CARMIL3: variants seen among roughly 807,000 people sequenced by gnomAD.
CARMIL3 encodes capping protein, Arp2/3 and myosin-I linker protein 3.
CARMIL3 carries 88 observed loss-of-function variants against 180.8 expected under a neutral mutation model. The observed-to-expected ratio is 0.49, with a 90% CI of 0.41 to 0.58. The LOEUF (loss-of-function observed/expected upper bound fraction) is 0.58, where lower values mean the gene tolerates loss of function less well. CARMIL3 is among the 20% of genes least tolerant of loss of function. The pLI is 0.00. For synonymous variants in CARMIL3, 696 were observed against 714.5 expected (o/e 0.97, Z 0.41); for missense variants, 1,548 against 1,787.0 (o/e 0.87, Z 2.41).
intron 31 of CARMIL3, 94 bp from the exon 32 acceptor site, chr14:24,064,152 A>AGTGG: frequency 1.2e-6 from 1 of 815,720 alleles, no homozygotes; most frequent in Non-Finnish European, 2.0e-6. Context: ...ACATTTCCAT[A>AGTGG]AATGTCCAAG....
intron 36 of CARMIL3, among the ~76,000 whole-genome samples, chr14:24,067,545 A>T (rs1053395846): frequency 1.3e-5 from 2 of 152,222 alleles, no homozygotes; most frequent in Admixed American, 1.3e-4. Flanking sequence ...CCCATTCTGC[A>T]TCTGCCCCTC....
At chr14:24,063,861 T>C (rs937525265) in intron 31 of CARMIL3, among the ~76,000 whole-genome samples, 4 of 152,040 alleles carry the variant, frequency 2.6e-5, no homozygotes, top group Non-Finnish European at 4.4e-5. Flanking sequence ...TTTGGGAGGC[T>C]GAGGCGGGCA....
chr14:24,061,482 T>G lies in CARMIL3; in HGVS notation c.2305-15T>G. 6.2e-7 allele frequency: 1 copy of G among 1,607,568 alleles called. No individual in the cohort carries two copies. Among genetic ancestry groups the G allele is most frequent in the Non-Finnish European group, 8.5e-7 (1 of 1,176,370 alleles). On this transcript the variant is annotated splice_polypyrimidine_tract_variant and intron_variant, in intron 26 of 39. Transcript: ENST00000342740. The surrounding 1 kb of genome is among the most constrained non-coding windows in gnomAD (Gnocchi z 4.1). ...GTCCCCCTTGGGCCTCTGGCCTCCC[T>G]TTCCCCCATACTAGGTGATCCTGGA...
chr14:24,059,867 A>C lies in CARMIL3; in HGVS notation c.1869-103A>C, dbSNP rs2035714066. 6.5e-7 allele frequency: 1 copy of C among 1,533,372 alleles called. No individual in the cohort carries two copies. Among genetic ancestry groups the C allele is most frequent in the Non-Finnish European group, 9.0e-7 (1 of 1,109,290 alleles). 95.0% of individuals were successfully genotyped at this position (1,533,372 alleles called of 1,614,324 possible). On this transcript the variant is annotated intron_variant, in intron 22 of 39. Coordinates refer to ENST00000342740, the MANE Select transcript of CARMIL3 (RefSeq NM_138360.4). The surrounding 1 kb of genome is among the most constrained non-coding windows in gnomAD (Gnocchi z 6.3). The stretch of plus-strand genomic sequence containing the variant: ...AATTTTAGGAAGGGCCATGGAAGAC[A>C]GAAATGATGAGCAAGGGGGCTGGAG...
Position 24,061,170 on chromosome 14 carries a change from C to T in CARMIL3, c.2304+130C>T, listed in dbSNP as rs113948409. 3,119 of 756,794 alleles carry T rather than the reference C, an allele frequency of 4.1e-3. 65 individuals carry two copies. In the African/African-American group the frequency reaches 0.048, roughly 12 times the overall value. 46.9% of individuals were successfully genotyped at this position (756,794 alleles called of 1,614,324 possible). ...GGACATGCAGAGTTGAGACCACCCA[C>T]GCTCCCACTGTACCAAGGCATTGCT... is the stretch of plus-strand genomic sequence containing the variant. On this transcript the variant is annotated intron_variant, in intron 26 of 39. Coordinates refer to ENST00000342740, the MANE Select transcript of CARMIL3 (RefSeq NM_138360.4). This position sits in a 1 kb window ranked among gnomAD's most constrained non-coding sequence, Gnocchi z 4.1.
chr14:24,061,043 A>G lies in CARMIL3; in HGVS notation c.2304+3A>G, dbSNP rs892357109. The G allele has an allele frequency of 6.4e-7, 1 of 1,551,332 alleles. No homozygotes were observed. The highest frequency in any genetic ancestry group is 1.4e-5 in the African/African-American group (1 of 73,168). Reference sequence around the variant, plus strand: ...AAGCTGTGGACAAGGAGCTGCAGGCAAGTCCTGGAGGAGGGAGGAATCCAT... The same window carrying G: ...AAGCTGTGGACAAGGAGCTGCAGGCGAGTCCTGGAGGAGGGAGGAATCCAT... On this transcript the variant is annotated splice_donor_region_variant and intron_variant, in intron 26 of 39. Coordinates refer to ENST00000342740, the MANE Select transcript of CARMIL3 (RefSeq NM_138360.4). This position sits in a 1 kb window ranked among gnomAD's most constrained non-coding sequence, Gnocchi z 4.1.
chr14:24,065,072 G>T lies in CARMIL3; in HGVS notation c.3195G>T (p.Lys1065Asn). ...ACTTTCGCCGGCCCCGGAGCTTCAA[G>T]GGGGACAGGGGGCCGGGGTCCCCTA... ...LFHFRRPRSFKGDRGPGSPTT... is the reference protein window; with the variant it reads ...LFHFRRPRSFNGDRGPGSPTT... Residue 1065 changes from lysine (K) to asparagine (N), a missense_variant, in exon 33 of 40, where the codon AAG becomes AAT. Transcript: ENST00000342740. 1.3e-6 allele frequency: 2 copies of T among 1,593,532 alleles called. No homozygotes were observed. Among genetic ancestry groups the T allele is most frequent in the Non-Finnish European group, 1.7e-6 (2 of 1,172,318 alleles).
Position 24,061,315 on chromosome 14 carries a change from G to A in CARMIL3, c.2305-182G>A. ...CCCTGTCTGTATGGTAGGGTGGAAG[G>A]AGCACTGACCAGAAAGTGGGGAAGC... On this transcript the variant is annotated intron_variant, in intron 26 of 39. Coordinates refer to ENST00000342740, the MANE Select transcript of CARMIL3 (RefSeq NM_138360.4). The surrounding 1 kb of genome is among the most constrained non-coding windows in gnomAD (Gnocchi z 4.1). 1 of 666,162 alleles carries A rather than the reference G, an allele frequency of 1.5e-6. No individual in the cohort carries two copies. The allele number at this position is 666,162 out of a possible 1,614,324, so 41.3% of individuals were successfully genotyped here. A position where few individuals can be genotyped will look rare whatever the true frequency, so the allele number is the denominator to read the frequency against.
chr14:24,058,646 C>T lies in CARMIL3; in HGVS notation c.1393-34C>T, dbSNP rs1348884549. The stretch of plus-strand genomic sequence containing the variant: ...TAAAGGTGCCCTACCCCCACCCCAA[C>T]CCCTGCCTTCCCTACCTCACCTTGT... On this transcript the variant is annotated intron_variant, in intron 17 of 39. Transcript: ENST00000342740. The surrounding 1 kb of genome is among the most constrained non-coding windows in gnomAD (Gnocchi z 6.4). 8.8e-6 allele frequency: 14 copies of T among 1,599,568 alleles called. No homozygotes were observed. In the South Asian group the frequency reaches 8.8e-5, roughly 10 times the overall value.
intron 38 of CARMIL3, 23 bp from the exon 39 acceptor site, chr14:24,069,114 G>C: frequency 1.2e-6 from 2 of 1,613,200 alleles, no homozygotes; most frequent in Admixed American, 1.7e-5. Context: ...CCTGTGTTAG[G>C]CCTGCCTTGA....
chr14:24,063,547 G>C lies in CARMIL3; in HGVS notation c.2979+14G>C, dbSNP rs780270460. The C allele has an allele frequency of 6.9e-6, 11 of 1,594,406 alleles. No individual in the cohort carries two copies. The highest frequency in any genetic ancestry group is 9.4e-6 in the Non-Finnish European group (11 of 1,172,142). On this transcript the variant is annotated intron_variant, in intron 31 of 39. Coordinates refer to ENST00000342740, the MANE Select transcript of CARMIL3 (RefSeq NM_138360.4). ...GGTCGACCCAGTGTGAGTCCCTAAG[G>C]CTTCACAAGAGGATCCCCTTCACTC...
rs999383684 is a variant in CARMIL3, at chr14:24,058,503, C to G, written c.1393-177C>G. 4.6e-5 allele frequency among the ~76,000 whole-genome samples: 7 copies of G among 152,128 alleles called. No individual in the cohort carries two copies. The highest frequency in any genetic ancestry group is 1.7e-4 in the African/African-American group (7 of 41,404). ...TCTTAGGAATAGCAGCCTTCCTGGC[C>G]GAAGGGAGGGAAGCCAGCTCTAGGG... is the stretch of plus-strand genomic sequence containing the variant. On this transcript the variant is annotated intron_variant, in intron 17 of 39. Transcript: ENST00000342740. This position sits in a 1 kb window ranked among gnomAD's most constrained non-coding sequence, Gnocchi z 6.4.
intron 14 of CARMIL3, 72 bp downstream of exon 14, chr14:24,057,316 C>G: frequency 7.2e-7 from 1 of 1,398,426 alleles, no homozygotes; most frequent in South Asian, 1.2e-5. Flanking sequence ...GGTCTCACCC[C>G]CTATCCCTGA....
Position 24,069,178 on chromosome 14 carries a change from A to G in CARMIL3, c.4024A>G (p.Lys1342Glu), listed in dbSNP as rs747902811. The change falls in exon 39 of 40, where the codon AAG becomes GAG. Residue 1342 changes from lysine (K) to glutamate (E), a missense_variant. This residue lies in a region of CARMIL3 where 668 missense variants were observed against 687.8 expected (regional missense o/e 0.97). Coordinates refer to ENST00000342740, the MANE Select transcript of CARMIL3 (RefSeq NM_138360.4). The part of the protein sequence containing the change: ...PGRRTAPLKP[K>E]RTRRAQSCDK... ...CCGGCGGACTGCCCCCCTGAAGCCC[A>G]AGAGGACACGGCGGGCACAGTCCTG... is the stretch of plus-strand genomic sequence containing the variant. The G allele has an allele frequency of 1.9e-6, 3 of 1,614,046 alleles. No individual in the cohort carries two copies. The South Asian group carries it at 3.3e-5, about 18-fold the overall frequency.
At chr14:24,056,891 C>T (rs1335241277) in intron 12 of CARMIL3, 24 bp from the exon 13 acceptor site, 2 of 1,607,552 alleles carry the variant, frequency 1.2e-6, no homozygotes, top group African/African-American at 2.7e-5. Flanking sequence ...GGGGCCAACC[C>T]AGCCCAGTGC....
chr14:24,063,963 G>A (rs905344656), intron 31 of CARMIL3, among the ~76,000 whole-genome samples: 5 of 151,764 alleles, frequency 3.3e-5, no homozygotes, highest in Non-Finnish European at 5.9e-5. Flanking sequence ...GCGTGGTGGC[G>A]CCTGCCTGTA....
rs1284610271 is a variant in CARMIL3 at position 24,060,736 on chromosome 14, G to A, written c.2170G>A (p.Asp724Asn). 6.2e-7 allele frequency: 1 copy of A among 1,613,944 alleles called. No homozygotes were observed. Among genetic ancestry groups the A allele is most frequent in the Non-Finnish European group, 8.5e-7 (1 of 1,179,940 alleles). The part of the protein sequence containing the change: ...ELLYARDLIK[D>N]AKNSRALFPS... ...ACTCTACGCTCGGGACCTCATCAAAGATGCCAAGAACTCCCGGGCGGTGAG... is the reference window on the plus strand; with the variant it reads ...ACTCTACGCTCGGGACCTCATCAAAAATGCCAAGAACTCCCGGGCGGTGAG... Residue 724 changes from aspartate to asparagine, a missense_variant, in exon 25 of 40, where the codon GAT (aspartate) becomes AAT (asparagine). Around this residue, in one of 4 missense-constraint regions of CARMIL3, gnomAD observed 297 missense variants for 415.9 expected, o/e 0.71. Transcript: ENST00000342740.
In CARMIL3 at chr14:24,054,057, A is replaced by AT; in HGVS notation, c.136-30dup. 1 of 1,611,928 alleles carries AT rather than the reference A, an allele frequency of 6.2e-7. No individual in the cohort carries two copies. On this transcript the variant is annotated intron_variant, in intron 2 of 39. Coordinates refer to ENST00000342740, the MANE Select transcript of CARMIL3 (RefSeq NM_138360.4). The surrounding 1 kb of genome is among the most constrained non-coding windows in gnomAD (Gnocchi z 5.1). Reference sequence around the variant, plus strand: ...GGGCCACCAAGGCCCAGCAGCTGCCATGAGCTGCCGATTTTTTCCTCTCTC... The same window carrying AT: ...GGGCCACCAAGGCCCAGCAGCTGCCATTGAGCTGCCGATTTTTTCCTCTCTC...
chr14:24,060,361 C>CT (rs1270359618), intron 24 of CARMIL3, 106 bp downstream of exon 24: 1 of 1,301,018 alleles, frequency 7.7e-7, no homozygotes, highest in Non-Finnish European at 1.1e-6. Flanking sequence ...TGCATGGTGC[C>CT]TATCACTGGA....
Sources: allele counts gnomAD v4.1 joint callset (sites outside exome capture counted in the v4.1 genomes callset), GRCh38; gene constraint gnomAD v4.1.1; regional missense constraint gnomAD v4.1.1; non-coding constraint Gnocchi (gnomAD v3.1); transcripts MANE v1.5; gene names NCBI Gene and HGNC (gene_info 2026-07-23, HGNC 2026-07-21).